The following EIF4H variants were observed in gnomAD, a reference collection of about 807,000 sequenced individuals.
EIF4H encodes eukaryotic translation initiation factor 4H, also known as Williams-Beuren syndrome chromosome region 1.
Under a neutral mutation model 30.6 loss-of-function variants are expected in EIF4H, and 8 were observed. The ratio of observed to expected loss-of-function variants is 0.26; its 90% CI spans 0.15 to 0.47. The LOEUF (loss-of-function observed/expected upper bound fraction) is 0.47, where lower values mean the gene tolerates loss of function less well. EIF4H is among the 20% of genes least tolerant of loss of function. The pLI is 0.99. For synonymous variants in EIF4H, 106 were observed against 122.7 expected, an observed-to-expected ratio of 0.86 and a Z score of 0.90; for missense variants, 188 against 339.5, an observed-to-expected ratio of 0.55 and a Z score of 3.51.
At chr7:74,177,622 C>G (rs1047364731) in intron 1 of EIF4H, among the ~76,000 whole-genome samples, 7 of 152,192 alleles carry the variant, frequency 4.6e-5, no homozygotes, top group African/African-American at 1.7e-4. Context: ...CTAGTTTTCA[C>G]TGATGCTAGG....
intron 1 of EIF4H, among the ~76,000 whole-genome samples, chr7:74,184,983 TTTGTTG>T (rs548041779): frequency 6.6e-6 from 1 of 150,608 alleles, no homozygotes; most frequent in Non-Finnish European, 1.5e-5. Context: ...GCCCCGCCTT[TTTGTTG>T]TTGTTGTTGT....
intron 1 of EIF4H, among the ~76,000 whole-genome samples, chr7:74,182,994 G>A (rs987420298): frequency 1.3e-5 from 2 of 152,144 alleles, no homozygotes; most frequent in African/African-American, 4.8e-5. Context: ...TCCTTTGCTT[G>A]TGACGTGATT....
intron 5 of EIF4H, among the ~76,000 whole-genome samples, chr7:74,194,289 T>G (rs1418333692): frequency 6.6e-6 from 1 of 152,218 alleles, no homozygotes; most frequent in Non-Finnish European, 1.5e-5. Flanking sequence ...TATTTTGTCT[T>G]CATATAGCGT....
chr7:74,188,482 G>T (rs541422590), intron 2 of EIF4H, among the ~76,000 whole-genome samples: 1 of 152,206 alleles, frequency 6.6e-6, no homozygotes, highest in Non-Finnish European at 1.5e-5. Flanking sequence ...CAAGTATGGG[G>T]TAACTTGGGG....
chr7:74,188,443 G>A (rs181981997), intron 2 of EIF4H, among the ~76,000 whole-genome samples: 2 of 152,114 alleles, frequency 1.3e-5, no homozygotes, highest in African/African-American at 4.8e-5. Context: ...TGTTTGGCCC[G>A]CATAATCCAC....
intron 1 of EIF4H, among the ~76,000 whole-genome samples, chr7:74,183,652 A>G (rs1336925982): frequency 1.3e-5 from 2 of 152,224 alleles, no homozygotes; most frequent in Non-Finnish European, 2.9e-5. Context: ...CCAAACTTGA[A>G]TCTAGTGAAA....
At chr7:74,193,463 G>A (rs552777410) in intron 5 of EIF4H, among the ~76,000 whole-genome samples, 2 of 152,224 alleles carry the variant, frequency 1.3e-5, no homozygotes, top group South Asian at 2.1e-4. Context: ...TGCATACTGC[G>A]GGCTCTGGGG....
chr7:74,179,598 C>G (rs868921088), intron 1 of EIF4H, among the ~76,000 whole-genome samples: 1 of 151,348 alleles, frequency 6.6e-6, no homozygotes, highest in Non-Finnish European at 1.5e-5. Flanking sequence ...CGCCACTGCA[C>G]TCCCGCCTGG....
chr7:74,181,678 A>G (rs1162110422), intron 1 of EIF4H, among the ~76,000 whole-genome samples: 1 of 152,020 alleles, frequency 6.6e-6, no homozygotes, highest in African/African-American at 2.4e-5. Flanking sequence ...TCCCGACCTC[A>G]GGTAATCTGC....
chr7:74,194,577 G>A (rs959023132), intron 5 of EIF4H, among the ~76,000 whole-genome samples, 164 bp from the exon 6 acceptor site: 4 of 152,174 alleles, frequency 2.6e-5, no homozygotes, highest in South Asian at 4.1e-4. Context: ...TCCACACATT[G>A]GCATTTGGAC....
At chr7:74,191,923 G>A (rs571231200) in intron 5 of EIF4H, among the ~76,000 whole-genome samples, 2 of 152,222 alleles carry the variant, frequency 1.3e-5, no homozygotes, top group African/African-American at 4.8e-5. Context: ...GGGACTACAG[G>A]CACCCACCAC....
At chr7:74,191,464 G>A (rs572092419) in intron 5 of EIF4H, among the ~76,000 whole-genome samples, 3 of 152,284 alleles carry the variant, frequency 2.0e-5, no homozygotes, top group Non-Finnish European at 1.5e-5. Flanking sequence ...TGGCCTGGCC[G>A]CCACCAGTTC....
intron 1 of EIF4H, among the ~76,000 whole-genome samples, chr7:74,180,002 G>T (rs979480048): frequency 6.6e-6 from 1 of 152,104 alleles, no homozygotes; most frequent in East Asian, 1.9e-4. Context: ...GATCACTCTA[G>T]CCCAGTCTGG....
chr7:74,189,341 C>T (rs1163421773), intron 2 of EIF4H, among the ~76,000 whole-genome samples: 1 of 152,198 alleles, frequency 6.6e-6, no homozygotes, highest in Non-Finnish European at 1.5e-5. Flanking sequence ...CTAATCCTCA[C>T]TTAGATTAAA....
chr7:74,193,323 T>C (rs1257994373), intron 5 of EIF4H, among the ~76,000 whole-genome samples: 2 of 152,214 alleles, frequency 1.3e-5, no homozygotes, highest in Admixed American at 1.3e-4. Context: ...GCTGGGATCG[T>C]CGCATCTGTG....
At chr7:74,178,371 A>G (rs1248033584) in intron 1 of EIF4H, among the ~76,000 whole-genome samples, 1 of 152,076 alleles carries the variant, frequency 6.6e-6, no homozygotes, top group African/African-American at 2.4e-5. Context: ...CCAACGTGGC[A>G]AAACCCCATG....
chr7:74,193,062 G>A (rs1002135066), intron 5 of EIF4H, among the ~76,000 whole-genome samples: 1 of 152,164 alleles, frequency 6.6e-6, no homozygotes, highest in Non-Finnish European at 1.5e-5. Flanking sequence ...AGGGCCAGCT[G>A]TAGTAAGTAG....
chr7:74,190,377 G>A (rs1324978320), intron 5 of EIF4H, 71 bp downstream of exon 5: 5 of 1,477,960 alleles, frequency 3.4e-6, no homozygotes, highest in Non-Finnish European at 4.7e-6. Context: ...TTTCTTACGA[G>A]TAGCCCGCCT....
chr7:74,188,855 A>T (rs1303262632), intron 2 of EIF4H, among the ~76,000 whole-genome samples: 1 of 152,142 alleles, frequency 6.6e-6, no homozygotes, highest in East Asian at 1.9e-4. Flanking sequence ...GAATCCACTT[A>T]GGGAGGAAAC....
Sources: allele counts gnomAD v4.1 joint callset (sites outside exome capture counted in the v4.1 genomes callset), GRCh38; gene constraint gnomAD v4.1.1; transcripts MANE v1.5; gene names NCBI Gene and HGNC (gene_info 2026-07-23, HGNC 2026-07-21).